Variants in FOXN3 observed in about 807,000 individuals in gnomAD.
FOXN3 encodes the protein forkhead box protein N3.
Under a neutral mutation model 38.4 loss-of-function variants are expected in FOXN3, and 7 were observed. That is an observed-to-expected ratio of 0.18 (90% CI 0.10 to 0.34). The LOEUF is 0.34. FOXN3 is among the 10% of genes least tolerant of loss of function. The pLI is 1.00. For synonymous variants in FOXN3, 230 were observed against 242.2 expected (o/e 0.95, Z 0.47); for missense variants, 456 against 613.4 (o/e 0.74, Z 2.71).
chr14:89,608,650 C>A (rs897392866), intron 1 of FOXN3, among the ~76,000 whole-genome samples: 1 of 152,092 alleles, frequency 6.6e-6, no homozygotes, highest in African/African-American at 2.4e-5. Flanking sequence ...CAGAGGCCAC[C>A]GAGCCTAGGG....
chr14:89,200,250 C>T (rs1158684276), intron 4 of FOXN3, among the ~76,000 whole-genome samples: 1 of 152,214 alleles, frequency 6.6e-6, no homozygotes, highest in Non-Finnish European at 1.5e-5. Flanking sequence ...GGAACAGTAT[C>T]ACAGTGAACC....
At chr14:89,524,287 T>G (rs1275077565) in intron 1 of FOXN3, among the ~76,000 whole-genome samples, 1 of 136,460 alleles carries the variant, frequency 7.3e-6, no homozygotes, top group Non-Finnish European at 1.5e-5. Context: ...GGCAGGAGAA[T>G]GGTGTGAAAC....
intron 1 of FOXN3, among the ~76,000 whole-genome samples, chr14:89,472,207 A>T (rs1200430439): frequency 6.6e-6 from 1 of 151,484 alleles, no homozygotes; most frequent in Non-Finnish European, 1.5e-5. Context: ...GTGAGCTGAG[A>T]TCATGCCACT....
chr14:89,574,059 A>C (rs1407660339), intron 1 of FOXN3, among the ~76,000 whole-genome samples: 1 of 152,168 alleles, frequency 6.6e-6, no homozygotes, highest in Non-Finnish European at 1.5e-5. Flanking sequence ...AAAAGAAAGC[A>C]AGGTCCTTAG....
At chr14:89,583,853 C>T (rs897825623) in intron 1 of FOXN3, among the ~76,000 whole-genome samples, 62 of 151,786 alleles carry the variant, frequency 4.1e-4, no homozygotes, top group African/African-American at 1.5e-3. Flanking sequence ...AGATACCGCA[C>T]CCAGCCTATT....
chr14:89,508,087 A>G (rs1893984834), intron 1 of FOXN3, among the ~76,000 whole-genome samples: 1 of 152,208 alleles, frequency 6.6e-6, no homozygotes, highest in Non-Finnish European at 1.5e-5. Flanking sequence ...TATGATGCCC[A>G]ATCCTAGCAT....
intron 4 of FOXN3, among the ~76,000 whole-genome samples, chr14:89,194,905 A>AC (rs2139812688): frequency 6.6e-6 from 1 of 152,254 alleles, no homozygotes; most frequent in East Asian, 1.9e-4. Context: ...ATGCAAATCT[A>AC]TTTTTTTAAA....
intron 1 of FOXN3, among the ~76,000 whole-genome samples, chr14:89,495,999 G>C (rs1016098778): frequency 6.6e-6 from 1 of 152,190 alleles, no homozygotes; most frequent in African/African-American, 2.4e-5. Context: ...TGGATCATGA[G>C]GTCAGGAGCT....
intron 1 of FOXN3, among the ~76,000 whole-genome samples, chr14:89,507,551 C>A (rs1289986443): frequency 6.6e-6 from 1 of 152,054 alleles, no homozygotes; most frequent in African/African-American, 2.4e-5. Flanking sequence ...AAGGAGAAAT[C>A]CAAAATATAT....
chr14:89,291,460 G>A (rs765176753), intron 3 of FOXN3: 15 of 608,572 alleles, frequency 2.5e-5, no homozygotes, highest in African/African-American at 7.4e-5. Context: ...AGGCTTCCAC[G>A]GAGGGTGCCA....
intron 1 of FOXN3, among the ~76,000 whole-genome samples, chr14:89,531,187 C>A (rs1209188931): frequency 1.3e-5 from 2 of 150,332 alleles, no homozygotes; most frequent in African/African-American, 2.4e-5. Flanking sequence ...ATATGTATGA[C>A]CTTCAGGTTT....
chr14:89,560,081 A>G (rs1433799326), intron 1 of FOXN3, among the ~76,000 whole-genome samples: 2 of 152,350 alleles, frequency 1.3e-5, no homozygotes, highest in African/African-American at 2.4e-5. Context: ...GGAAACTTAC[A>G]ATCATGCAGG....
rs556018550 is a variant in FOXN3 at position 89,323,284 on chromosome 14, T to C, written c.680+27388A>G. 2.5e-4 allele frequency among the ~76,000 whole-genome samples: 27 copies of C among 107,398 alleles called. No homozygotes were observed. In the South Asian group the frequency reaches 5.8e-3, roughly 23 times the overall value. The allele number at this position is 107,398 out of a possible 152,430, so 70.5% of individuals were successfully genotyped here. ...GCATGGGCGACAGAGCGAGACTCCA[T>C]CTCAAAAAAAAAAAAAAAAAGAAAG... On this transcript the variant is annotated intron_variant, in intron 3 of 5. Transcript: ENST00000557258.
At chr14:89,399,036 T>G (rs987555591) in intron 2 of FOXN3, among the ~76,000 whole-genome samples, 2 of 152,216 alleles carry the variant, frequency 1.3e-5, no homozygotes, top group Non-Finnish European at 2.9e-5. Flanking sequence ...AAGGCTTTCC[T>G]GAATTTTTTT....
chr14:89,283,020 C>A (rs1003155345), intron 3 of FOXN3, among the ~76,000 whole-genome samples: 2 of 152,190 alleles, frequency 1.3e-5, no homozygotes, highest in African/African-American at 4.8e-5. Flanking sequence ...GAGACTTGGA[C>A]TGGCCACCAC....
At chr14:89,271,778 C>T (rs923703378) in intron 4 of FOXN3, among the ~76,000 whole-genome samples, 3 of 152,146 alleles carry the variant, frequency 2.0e-5, no homozygotes, top group Non-Finnish European at 2.9e-5. Context: ...ATCTTTTTGT[C>T]TTATTGTAAA....
chr14:89,186,598 G>C (rs902377197), intron 4 of FOXN3, among the ~76,000 whole-genome samples: 1 of 152,156 alleles, frequency 6.6e-6, no homozygotes, highest in Admixed American at 6.5e-5. Flanking sequence ...AAGTCCAGGG[G>C]GTAATGAGCC....
chr14:89,480,938 C>T (rs7141862), intron 1 of FOXN3, among the ~76,000 whole-genome samples: 1,959 of 152,198 alleles, frequency 0.013, 42 homozygotes, highest in African/African-American at 0.045. Context: ...GTTCATTTTT[C>T]AGCTGCTGTT....
intron 2 of FOXN3, among the ~76,000 whole-genome samples, chr14:89,395,784 C>T (rs1005086880): frequency 2.3e-4 from 35 of 152,082 alleles, no homozygotes; most frequent in Admixed American, 2.6e-4. Flanking sequence ...GGAAAAAATG[C>T]CTGCCCAATA....
Sources: gnomAD v4.1 joint callset for allele counts (sites outside exome capture counted in the v4.1 genomes callset) on GRCh38, gnomAD v4.1.1 for gene constraint, MANE v1.5 for transcripts, NCBI Gene and HGNC (gene_info 2026-07-23, HGNC 2026-07-21) for gene names.